Variants in INTS3 observed in about 807,000 individuals in gnomAD.
The protein encoded by INTS3 is integrator complex subunit 3.
A neutral mutation model predicts 146.3 loss-of-function variants in INTS3; 34 were observed. The observed-to-expected ratio is 0.23, with a 90% confidence interval of 0.18 to 0.31. INTS3 has a LOEUF of 0.31. Ranked by LOEUF, INTS3 falls within the 10% of genes least tolerant of loss-of-function variation. The pLI, the probability that INTS3 is intolerant of heterozygous loss-of-function variation, is 1.00. For synonymous variants in INTS3, 475 were observed against 494.9 expected (o/e 0.96, Z 0.53); for missense variants, 757 against 1,304.2 (o/e 0.58, Z 6.46).
At position 153,759,680 on chromosome 1, in the gene INTS3, A is replaced by G. The variant is rs1216940656; in HGVS notation, c.1237+67A>G. On this transcript the variant is annotated intron_variant, in intron 11 of 29. Transcript: ENST00000318967. ...TAAGCCCCCACTGCCTTCCTTAGTG[A>G]TAGCAGTCATAAATCTCAGGGCACC... 3.1e-5 allele frequency: 31 copies of G among 992,710 alleles called. No individual in the cohort carries two copies. In the East Asian group the frequency reaches 7.4e-4, roughly 24 times the overall value. The allele number at this position is 992,710 out of a possible 1,614,324, so 61.5% of individuals were successfully genotyped here. A position where few individuals can be genotyped will look rare whatever the true frequency, so the allele number is the denominator to read the frequency against.
chr1:153,743,656 C>T (rs1001110782), intron 3 of INTS3, among the ~76,000 whole-genome samples: 8 of 152,118 alleles, frequency 5.3e-5, no homozygotes, highest in African/African-American at 1.9e-4. Flanking sequence ...TGTTTATATC[C>T]TTTGAGTTTA....
chr1:153,767,296 T>G, intron 20 of INTS3: 1 of 186,426 alleles, frequency 5.4e-6, no homozygotes, highest in Non-Finnish European at 1.1e-5. Context: ...CTACAAGCCA[T>G]TTTGAGCTAA....
At chr1:153,770,112 CAGTGGATG>C in intron 23 of INTS3, 78 bp from the exon 24 acceptor site, 1 of 351,360 alleles carries the variant, frequency 2.8e-6, no homozygotes, top group Non-Finnish European at 5.1e-6. Context: ...TGCTGGTAGT[CAGTGGATG>C]GGGGGGTGGG....
Position 153,763,243 on chromosome 1 carries a change from G to A in INTS3, c.1647G>A (p.Arg549=). The A allele has an allele frequency of 6.2e-7, 1 of 1,614,190 alleles. No individual in the cohort carries two copies. The highest frequency in any genetic ancestry group is 8.5e-7 in the Non-Finnish European group (1 of 1,180,040). ...EEDLNSKGKK[R]EFRFHPIKET... ...AATCACTCCCTTTAGGAAAGAAGAGGGAGTTTCGCTTCCACCCTATCAAGG... is the reference window on the plus strand; with the variant it reads ...AATCACTCCCTTTAGGAAAGAAGAGAGAGTTTCGCTTCCACCCTATCAAGG... Residue 549 remains arginine (R), a synonymous_variant, in exon 16 of 30, where the codon AGG becomes AGA. Transcript: ENST00000318967.
At chr1:153,760,561 T>G in intron 12 of INTS3, 171 bp downstream of exon 12, 2 of 633,534 alleles carry the variant, frequency 3.2e-6, no homozygotes, top group Non-Finnish European at 5.6e-6. Flanking sequence ...TTCCACTGTC[T>G]GCACTTGGAT....
At position 153,763,368 on chromosome 1, in the gene INTS3, T is replaced by C. The variant is rs1195444966; in HGVS notation, c.1766+6T>C. 3.1e-6 allele frequency: 5 copies of C among 1,613,782 alleles called. No individual in the cohort carries two copies. In the African/African-American group the frequency reaches 4.0e-5, roughly 13 times the overall value. On this transcript the variant is annotated splice_donor_region_variant and intron_variant, in intron 16 of 29. Transcript: ENST00000318967. ...CTCCAGCTACAGAAGGGGAGGTGGG[T>C]ACAGACCTTGTTCTCAACTTCAGGA... is the stretch of plus-strand genomic sequence containing the variant.
intron 7 of INTS3, chr1:153,752,044 G>T: frequency 1.9e-6 from 1 of 515,414 alleles, no homozygotes; most frequent in Non-Finnish European, 3.4e-6. Flanking sequence ...GTGAAAGCCA[G>T]CAGGGCTTCA....
At chr1:153,770,918 C>G (rs528127826) in intron 25 of INTS3, among the ~76,000 whole-genome samples, 185 bp downstream of exon 25, 3 of 152,160 alleles carry the variant, frequency 2.0e-5, no homozygotes, top group Non-Finnish European at 2.9e-5. Flanking sequence ...GGCTTCCTCT[C>G]GACTTTACCC....
At chr1:153,770,952 CGGAGGTGG>C (rs1334571203) in intron 25 of INTS3, among the ~76,000 whole-genome samples, 1 of 152,128 alleles carries the variant, frequency 6.6e-6, no homozygotes, top group Non-Finnish European at 1.5e-5. Context: ...GAGCTGCCCT[CGGAGGTGG>C]GGAGGTGGGG....
Position 153,752,119 on chromosome 1 carries a change from A to G in INTS3, c.730-160A>G, listed in dbSNP as rs748885015. The G allele has an allele frequency of 8.6e-5, 65 of 753,444 alleles. 1 individual carries two copies. The highest frequency in any genetic ancestry group is 1.3e-4 in the Non-Finnish European group (56 of 442,956). The allele number at this position is 753,444 out of a possible 1,614,324, so 46.7% of individuals were successfully genotyped here. A position where few individuals can be genotyped will look rare whatever the true frequency, so the allele number is the denominator to read the frequency against. On this transcript the variant is annotated intron_variant, in intron 7 of 29. Transcript: ENST00000318967. Reference sequence around the variant, plus strand: ...AGCTTCCAGCTCTCTTCCCCTGAACAGCTAGGAGCCAATCCTTTGGTTCCA... The same window carrying G: ...AGCTTCCAGCTCTCTTCCCCTGAACGGCTAGGAGCCAATCCTTTGGTTCCA...
At chr1:153,730,415 G>T (rs1671019961) in intron 1 of INTS3, among the ~76,000 whole-genome samples, 1 of 152,164 alleles carries the variant, frequency 6.6e-6, no homozygotes, top group East Asian at 1.9e-4. Context: ...TGATCCCTGT[G>T]TACTAACACT....
At chr1:153,731,388 C>T (rs1050500182) in intron 1 of INTS3, among the ~76,000 whole-genome samples, 7 of 151,988 alleles carry the variant, frequency 4.6e-5, no homozygotes, top group Admixed American at 1.3e-4. Flanking sequence ...CCTTTGAAGG[C>T]GGAAGTCTTC....
chr1:153,752,019 G>A, intron 7 of INTS3: 1 of 464,916 alleles, frequency 2.2e-6, no homozygotes, highest in Non-Finnish European at 3.8e-6. Flanking sequence ...TGAGTGGAGA[G>A]GGAGGTAGAT....
intron 8 of INTS3, chr1:153,753,929 A>G (rs188517032): frequency 0.016 from 2,445 of 149,788 alleles, 41 homozygotes; most frequent in Non-Finnish European, 0.021. Context: ...TGCTGAGATT[A>G]CAGGCATGAG....
chr1:153,747,119 A>G (rs746928068), intron 4 of INTS3, 49 bp downstream of exon 4: 1 of 1,423,228 alleles, frequency 7.0e-7, no homozygotes, highest in East Asian at 2.3e-5. Flanking sequence ...GAGAGGATGG[A>G]TCTTCTCTCT....
intron 1 of INTS3, among the ~76,000 whole-genome samples, chr1:153,729,605 C>T (rs1011167046): frequency 6.6e-6 from 1 of 152,148 alleles, no homozygotes; most frequent in African/African-American, 2.4e-5. Flanking sequence ...CGGTGGCTCA[C>T]GCCTGTAATC....
At position 153,745,644 on chromosome 1, in the gene INTS3, A is replaced by G. The variant is rs1671702894; in HGVS notation, c.319-1313A>G. ...TCCTCCAGGAGTCTGGTCTCACAAT[A>G]GAGACAGAGTGAAAAAAAAAAAAAA... On this transcript the variant is annotated intron_variant, in intron 3 of 29. Transcript: ENST00000318967. Among the ~76,000 whole-genome samples the G allele has an allele frequency of 1.3e-5, 2 of 150,588 alleles. 1 individual carries two copies. Among genetic ancestry groups the G allele is most frequent in the South Asian group, 4.3e-4 (2 of 4,682 alleles).
chr1:153,734,092 A>G (rs965438020), intron 1 of INTS3, among the ~76,000 whole-genome samples: 2 of 151,526 alleles, frequency 1.3e-5, no homozygotes, highest in African/African-American at 4.9e-5. Context: ...TAGTCTTAGT[A>G]TTAGAAAAAT....
At position 153,728,072 on chromosome 1, in the gene INTS3, C is replaced by T. The variant is rs1184517908; in HGVS notation, c.-563C>T. 1 of 167,662 alleles carries T rather than the reference C, an allele frequency of 6.0e-6. No individual in the cohort carries two copies. Among genetic ancestry groups the T allele is most frequent in the African/African-American group, 2.6e-5 (1 of 38,844 alleles). The allele number at this position is 167,662 out of a possible 1,614,324, so 10.4% of individuals were successfully genotyped here. A position where few individuals can be genotyped will look rare whatever the true frequency, so the allele number is the denominator to read the frequency against. On this transcript the variant is annotated 5_prime_UTR_variant, in exon 1 of 30. Coordinates refer to ENST00000318967, the MANE Select transcript of INTS3 (RefSeq NM_023015.5). Reference sequence around the variant, plus strand: ...TCCGCCTTCCCACCCCCCGCCCTTCCACTATGGCCGCTTCTGTGTGGTGTG... The same window carrying T: ...TCCGCCTTCCCACCCCCCGCCCTTCTACTATGGCCGCTTCTGTGTGGTGTG...
Sources: gnomAD v4.1 joint callset for allele counts (sites outside exome capture counted in the v4.1 genomes callset) on GRCh38, gnomAD v4.1.1 for gene constraint, MANE v1.5 for transcripts, NCBI Gene and HGNC (gene_info 2026-07-23, HGNC 2026-07-21) for gene names.